The following COG6 variants were observed in gnomAD, a reference collection of about 807,000 sequenced individuals.
COG6 encodes component of oligomeric golgi complex 6, also known as conserved oligomeric Golgi complex subunit 6.
In COG6, 74 loss-of-function variants were observed where a neutral mutation model predicts 88.8. That is an observed-to-expected ratio of 0.83 (90% CI 0.69 to 1.01). COG6 has a LOEUF of 1.01. Among genes scored for constraint, COG6 ranks in the 50% least tolerant of loss-of-function variants. The pLI is 0.00. For missense variants in COG6, 800 were observed against 797.9 expected (o/e 1.00, Z -0.03); for synonymous variants, 286 against 278.7 (o/e 1.03, Z -0.26).
intron 18 of COG6, among the ~76,000 whole-genome samples, chr13:39,730,459 G>A (rs1461142221): frequency 6.6e-6 from 1 of 151,796 alleles, no homozygotes; most frequent in East Asian, 1.9e-4. Context: ...GAAAATATAG[G>A]GCATTTTACA....
At chr13:39,777,822 G>A (rs192012936) in intron 18 of COG6, among the ~76,000 whole-genome samples, 4 of 152,232 alleles carry the variant, frequency 2.6e-5, no homozygotes, top group South Asian at 2.1e-4. Flanking sequence ...TGTTTGCTGC[G>A]GCCAGTGGGG....
chr13:39,762,599 T>A (rs1258134239), intron 18 of COG6, among the ~76,000 whole-genome samples: 1 of 151,416 alleles, frequency 6.6e-6, no homozygotes, highest in Non-Finnish European at 1.5e-5. Flanking sequence ...TGGATACATG[T>A]ATCAAAATAT....
In COG6 at chr13:39,673,281, A is replaced by G. The variant is rs1018661011; in HGVS notation, c.429-4187A>G. Among the ~76,000 whole-genome samples, 12 of 151,828 alleles carry G rather than the reference A, an allele frequency of 7.9e-5. No homozygotes were observed. The East Asian group carries it at 1.5e-3, about 20-fold the overall frequency. ...TTGTATGTGCTTTATTTTTCAATGT[A>G]TTTTTGTATTGAAGTTATTTTATCT... On this transcript the variant is annotated intron_variant, in intron 4 of 18. Transcript: ENST00000455146.
chr13:39,785,976 G>C (rs2138193230), intron 18 of COG6, among the ~76,000 whole-genome samples: 1 of 152,306 alleles, frequency 6.6e-6, no homozygotes, highest in Middle Eastern at 3.4e-3. Context: ...GTGATGTACA[G>C]AGAGTAGGAT....
chr13:39,758,234 A>G (rs1484732357), intron 18 of COG6, among the ~76,000 whole-genome samples: 1 of 149,994 alleles, frequency 6.7e-6, no homozygotes, highest in Non-Finnish European at 1.5e-5. Flanking sequence ...AAAAAAAAAA[A>G]AAAAAAAATG....
At chr13:39,705,441 C>G (rs1877838015) in intron 13 of COG6, among the ~76,000 whole-genome samples, 1 of 152,058 alleles carries the variant, frequency 6.6e-6, no homozygotes, top group Non-Finnish European at 1.5e-5. Flanking sequence ...CTGAAATATT[C>G]ATAACTGCAA....
At chr13:39,681,660 T>A (rs73179542) in intron 7 of COG6, among the ~76,000 whole-genome samples, 9,465 of 152,260 alleles carry the variant, frequency 0.062, 315 homozygotes, top group South Asian at 0.078. Flanking sequence ...ATTTTATAGA[T>A]AAAATTAGAA....
At chr13:39,665,273 CCTAAA>C (rs1875180154) in intron 4 of COG6, 119 bp downstream of exon 4, 1 of 664,108 alleles carries the variant, frequency 1.5e-6, no homozygotes, top group Non-Finnish European at 2.7e-6. Context: ...TTCATAAGGT[CCTAAA>C]CTATTATATT....
chr13:39,669,586 G>A (rs1875494362), intron 4 of COG6, among the ~76,000 whole-genome samples: 1 of 152,116 alleles, frequency 6.6e-6, no homozygotes, highest in Non-Finnish European at 1.5e-5. Flanking sequence ...TAATTTTTGA[G>A]TAAATGAATA....
At chr13:39,656,013 C>A in intron 1 of COG6, 134 bp downstream of exon 1, 1 of 1,162,216 alleles carries the variant, frequency 8.6e-7, no homozygotes, top group Non-Finnish European at 1.3e-6. Context: ...CCCAGACCTG[C>A]GGGCTCCGCT....
intron 13 of COG6, among the ~76,000 whole-genome samples, chr13:39,718,489 G>A (rs1716980431): frequency 6.6e-6 from 1 of 152,028 alleles, no homozygotes; most frequent in African/African-American, 2.4e-5. Context: ...CACCAAATAA[G>A]GATAGTGAAC....
At chr13:39,764,924 A>G (rs991412613) in intron 18 of COG6, among the ~76,000 whole-genome samples, 2 of 152,154 alleles carry the variant, frequency 1.3e-5, no homozygotes, top group Non-Finnish European at 2.9e-5. Flanking sequence ...TTTAATCTGC[A>G]TAGTGTATCA....
chr13:39,728,157 G>A (rs1262726076), intron 18 of COG6, among the ~76,000 whole-genome samples: 1 of 152,064 alleles, frequency 6.6e-6, no homozygotes, highest in African/African-American at 2.4e-5. Context: ...AAACAGCAGT[G>A]CAGTAAGTGT....
At chr13:39,734,664 T>A (rs1338630388) in intron 18 of COG6, among the ~76,000 whole-genome samples, 1 of 152,182 alleles carries the variant, frequency 6.6e-6, no homozygotes, top group Non-Finnish European at 1.5e-5. Flanking sequence ...TAATTTTCTC[T>A]CTGGGAAGTC....
intron 18 of COG6, among the ~76,000 whole-genome samples, chr13:39,774,254 G>A (rs1208271734): frequency 6.6e-6 from 1 of 152,114 alleles, no homozygotes; most frequent in Non-Finnish European, 1.5e-5. Context: ...ACATTTTGAA[G>A]TCTTCTTTTT....
intron 18 of COG6, among the ~76,000 whole-genome samples, chr13:39,766,428 C>G (rs1390996580): frequency 6.6e-6 from 1 of 152,064 alleles, no homozygotes; most frequent in African/African-American, 2.4e-5. Flanking sequence ...TCACCCCTGG[C>G]CCATTCCCAA....
intron 18 of COG6, among the ~76,000 whole-genome samples, chr13:39,745,096 T>G (rs1449834429): frequency 6.6e-6 from 1 of 152,192 alleles, no homozygotes; most frequent in African/African-American, 2.4e-5. Context: ...TATTTCAAGA[T>G]GGATTAAAGA....
intron 4 of COG6, among the ~76,000 whole-genome samples, chr13:39,671,695 A>ATATG (rs1875654792): frequency 6.6e-6 from 1 of 151,942 alleles, no homozygotes; most frequent in Non-Finnish European, 1.5e-5. Flanking sequence ...GAGAATGTAT[A>ATATG]TATGTATGTA....
intron 4 of COG6, among the ~76,000 whole-genome samples, chr13:39,667,708 CAG>C (rs907496137): frequency 6.6e-6 from 1 of 151,954 alleles, no homozygotes; most frequent in Non-Finnish European, 1.5e-5. Flanking sequence ...AAGGTATCAA[CAG>C]AATCAAGCTT....
Sources: allele counts gnomAD v4.1 joint callset (sites outside exome capture counted in the v4.1 genomes callset), GRCh38; gene constraint gnomAD v4.1.1; transcripts MANE v1.5; gene names NCBI Gene and HGNC (gene_info 2026-07-23, HGNC 2026-07-21).